Variants in RORA observed in about 807,000 individuals in gnomAD.
RORA encodes the protein RAR related orphan receptor A, also known as nuclear receptor ROR-alpha.
A neutral mutation model predicts 69.5 loss-of-function variants in RORA; 7 were observed. The observed-to-expected ratio is 0.10, with a 90% CI of 0.06 to 0.19. The LOEUF (loss-of-function observed/expected upper bound fraction) is 0.19. RORA is among the 10% of genes least tolerant of loss of function. RORA has a pLI of 1.00. For missense variants in RORA, 457 were observed against 663.0 expected, an observed-to-expected ratio of 0.69 and a Z score of 3.41; for synonymous variants, 261 against 240.8, an observed-to-expected ratio of 1.08 and a Z score of -0.78.
chr15:60,709,308 CT>C (rs1446268845), intron 1 of RORA, among the ~76,000 whole-genome samples: 1 of 152,180 alleles, frequency 6.6e-6, no homozygotes, highest in African/African-American at 2.4e-5. Context: ...TACAACAACT[CT>C]GAGAAACCAT....
chr15:61,156,165 C>CT (rs1555415579), intron 1 of RORA, among the ~76,000 whole-genome samples: 1 of 151,846 alleles, frequency 6.6e-6, no homozygotes, highest in Non-Finnish European at 1.5e-5. Flanking sequence ...ACTTCTCTTT[C>CT]TTTTTTTTAA....
intron 1 of RORA, among the ~76,000 whole-genome samples, chr15:61,058,957 G>T (rs7173279): frequency 0.2 from 30,564 of 152,210 alleles, 3,302 homozygotes; most frequent in South Asian, 0.25. Flanking sequence ...TGAATTTACG[G>T]TGATAAAGCA....
Position 60,856,708 on chromosome 15 carries a change from G to T in RORA, c.167-178022C>A, listed in dbSNP as rs969543087. The stretch of plus-strand genomic sequence containing the variant: ...CAACTGCATGTTTAATTCAAATAGA[G>T]CAAGAGAGAAAGTGCTGCCTCTTTT... On this transcript the variant is annotated intron_variant, in intron 1 of 10. Coordinates refer to ENST00000335670, the MANE Select transcript of RORA (RefSeq NM_134261.3). 2.6e-5 allele frequency among the ~76,000 whole-genome samples: 4 copies of T among 152,192 alleles called. No individual in the cohort carries two copies. The East Asian group carries it at 7.7e-4, about 29-fold the overall frequency.
chr15:61,119,230 G>A (rs979281755), intron 1 of RORA, among the ~76,000 whole-genome samples: 2 of 151,736 alleles, frequency 1.3e-5, no homozygotes, highest in East Asian at 1.9e-4. Flanking sequence ...GCAGGGTCTC[G>A]CTTTGTCACC....
In RORA at chr15:60,537,351, GTGAC is replaced by G. The variant is rs2066711867; in HGVS notation, c.197-5504_197-5501del. On this transcript the variant is annotated intron_variant, in intron 2 of 10. Coordinates refer to ENST00000335670, the MANE Select transcript of RORA (RefSeq NM_134261.3). The surrounding 1 kb of genome is among the most constrained non-coding windows in gnomAD (Gnocchi z 4.9). ...ACCTGGCTGTGAGCCTTGCTGCAGA[GTGAC>G]TGCAACAGCCTGGAGAGAGGAAACC... Among the ~76,000 whole-genome samples, 1 of 152,214 alleles carries G rather than the reference GTGAC, an allele frequency of 6.6e-6. No homozygotes were observed. The highest frequency in any genetic ancestry group is 1.5e-5 in the Non-Finnish European group (1 of 68,040).
chr15:60,567,462 C>T (rs1344663747), intron 2 of RORA, among the ~76,000 whole-genome samples: 2 of 151,096 alleles, frequency 1.3e-5, no homozygotes, highest in Admixed American at 6.6e-5. Context: ...CCCAGGCTGG[C>T]GTGCAGTGGT....
chr15:61,118,200 G>T (rs1295987827), intron 1 of RORA, among the ~76,000 whole-genome samples: 5 of 152,204 alleles, frequency 3.3e-5, no homozygotes, highest in African/African-American at 7.2e-5. Flanking sequence ...AAAGAGGGTA[G>T]GGGTGGGGGA....
chr15:61,062,059 T>C (rs1337384002), intron 1 of RORA, among the ~76,000 whole-genome samples: 1 of 151,888 alleles, frequency 6.6e-6, no homozygotes, highest in East Asian at 1.9e-4. Context: ...CAAGACTCCG[T>C]CTCAAAAAAA....
chr15:61,027,029 T>C (rs1259413687), intron 1 of RORA, among the ~76,000 whole-genome samples: 5 of 151,848 alleles, frequency 3.3e-5, no homozygotes, highest in Non-Finnish European at 2.9e-5. Context: ...AGCTGTTGAA[T>C]TTCACCATGC....
At chr15:61,068,723 A>G (rs73428853) in intron 1 of RORA, among the ~76,000 whole-genome samples, 2,014 of 152,334 alleles carry the variant, frequency 0.013, 46 homozygotes, top group African/African-American at 0.045. Context: ...AAATGACCAC[A>G]TTCACCCATG....
intron 1 of RORA, among the ~76,000 whole-genome samples, chr15:60,709,279 T>C (rs113345590): frequency 3.3e-5 from 5 of 152,356 alleles, no homozygotes; most frequent in African/African-American, 1.2e-4. Context: ...GGTATTATTA[T>C]ACAGCTCTCA....
At chr15:61,021,711 T>C (rs1317343031) in intron 1 of RORA, among the ~76,000 whole-genome samples, 1 of 152,172 alleles carries the variant, frequency 6.6e-6, no homozygotes, top group African/African-American at 2.4e-5. Flanking sequence ...CTGATGTACT[T>C]CTCCTATGGT....
At chr15:60,665,508 C>A (rs931322092) in intron 2 of RORA, among the ~76,000 whole-genome samples, 26 of 152,140 alleles carry the variant, frequency 1.7e-4, no homozygotes, top group African/African-American at 6.0e-4. Context: ...TGACTTAAAT[C>A]TTACAAACTG....
At chr15:60,675,593 C>T (rs2070540777) in intron 2 of RORA, among the ~76,000 whole-genome samples, 1 of 152,156 alleles carries the variant, frequency 6.6e-6, no homozygotes, top group Non-Finnish European at 1.5e-5. Flanking sequence ...TTCTCAGAAG[C>T]TTAGGAGAAA....
chr15:60,590,510 C>T lies in RORA; in HGVS notation c.197-58659G>A, dbSNP rs577272273. ...AGAAAGCAGTTTAAAATGTCTCAGCCTCTCGCCTTTCCTCCAATCAACACA... is the reference window on the plus strand; with the variant it reads ...AGAAAGCAGTTTAAAATGTCTCAGCTTCTCGCCTTTCCTCCAATCAACACA... On this transcript the variant is annotated intron_variant, in intron 2 of 10. Coordinates refer to ENST00000335670, the MANE Select transcript of RORA (RefSeq NM_134261.3). 2.6e-5 allele frequency among the ~76,000 whole-genome samples: 4 copies of T among 152,208 alleles called. No individual in the cohort carries two copies. The East Asian group carries it at 5.8e-4, about 22-fold the overall frequency.
intron 1 of RORA, among the ~76,000 whole-genome samples, chr15:61,050,955 G>A (rs1897265374): frequency 6.6e-6 from 1 of 152,218 alleles, no homozygotes; most frequent in Non-Finnish European, 1.5e-5. Flanking sequence ...CGTTATAGTG[G>A]CTGCTGCTTA....
intron 1 of RORA, among the ~76,000 whole-genome samples, chr15:60,776,108 G>C (rs982951100): frequency 6.6e-6 from 1 of 152,150 alleles, no homozygotes; most frequent in African/African-American, 2.4e-5. Context: ...TTGCTGGCTC[G>C]GCTAGAATTG....
chr15:60,509,331 A>G (rs2065615299), intron 5 of RORA, among the ~76,000 whole-genome samples: 1 of 152,206 alleles, frequency 6.6e-6, no homozygotes. Flanking sequence ...CATTTAATTT[A>G]TCTTGGTAAA....
intron 2 of RORA, among the ~76,000 whole-genome samples, chr15:60,638,425 T>C (rs1025172968): frequency 5.9e-5 from 9 of 151,860 alleles, no homozygotes; most frequent in Non-Finnish European, 1.2e-4. Flanking sequence ...AAAAGCTTTT[T>C]TTCTTAATAA....
Sources: gnomAD v4.1 joint callset for allele counts (sites outside exome capture counted in the v4.1 genomes callset) on GRCh38, gnomAD v4.1.1 for gene constraint, Gnocchi (gnomAD v3.1) non-coding constraint, MANE v1.5 for transcripts, NCBI Gene and HGNC (gene_info 2026-07-23, HGNC 2026-07-21) for gene names.